Variants in RBFOX1 observed in about 807,000 individuals in gnomAD.
RBFOX1 encodes the protein RNA binding protein fox-1 homolog 1.
In RBFOX1, 8 loss-of-function variants were observed where a neutral mutation model predicts 57.7. That is an observed-to-expected ratio of 0.14 (90% confidence interval 0.08 to 0.25). The LOEUF is 0.25. Ranked by LOEUF, RBFOX1 falls within the 10% of genes least tolerant of loss-of-function variation. The pLI is 1.00. For synonymous variants in RBFOX1, 326 were observed against 222.4 expected (o/e 1.47, Z -4.15); for missense variants, 611 against 548.5 (o/e 1.11, Z -1.14).
At chr16:7,255,703 C>A (rs557897540) in intron 4 of RBFOX1, among the ~76,000 whole-genome samples, 1 of 152,192 alleles carries the variant, frequency 6.6e-6, no homozygotes, top group African/African-American at 2.4e-5. Context: ...AAAATAAATG[C>A]ATGAAATGTT....
intron 2 of RBFOX1, among the ~76,000 whole-genome samples, chr16:6,606,578 C>G (rs1171796892): frequency 1.3e-5 from 2 of 152,132 alleles, no homozygotes; most frequent in Non-Finnish European, 2.9e-5. Context: ...CATGTGTTCT[C>G]ATTGTTCAGC....
intron 1 of RBFOX1, among the ~76,000 whole-genome samples, chr16:5,436,503 G>A (rs12596398): frequency 0.45 from 69,100 of 151,970 alleles, 16,653 homozygotes; most frequent in East Asian, 0.63. Context: ...CTCAGAACTC[G>A]TCTTTTTTAC....
intron 3 of RBFOX1, among the ~76,000 whole-genome samples, chr16:6,917,970 A>G (rs1030630112): frequency 3.3e-5 from 5 of 152,076 alleles, no homozygotes; most frequent in Admixed American, 6.6e-5. Context: ...CCTACAGGAG[A>G]GCCACTTACG....
rs548619961 is a variant in RBFOX1 at position 7,276,648 on chromosome 16, G to A, written c.27+224550G>A. 2.2e-3 allele frequency among the ~76,000 whole-genome samples: 330 copies of A among 150,234 alleles called. 1 individual carries two copies. The highest frequency in any genetic ancestry group is 7.6e-3 in the African/African-American group (313 of 41,368). ...AATTTCCTCACTCCTCCAAATTCCT[G>A]GGCAGGTTACCTCTCCCAACCTCAG... On this transcript the variant is annotated intron_variant, in intron 4 of 15. Transcript: ENST00000550418.
At chr16:5,402,774 C>G (rs2066750076) in intron 1 of RBFOX1, among the ~76,000 whole-genome samples, 1 of 152,158 alleles carries the variant, frequency 6.6e-6, no homozygotes, top group Non-Finnish European at 1.5e-5. Flanking sequence ...CATGAGAAAT[C>G]TGTAGGTTGG....
At chr16:5,745,006 C>A (rs974339750) in intron 3 of RBFOX1, among the ~76,000 whole-genome samples, 7 of 152,142 alleles carry the variant, frequency 4.6e-5, no homozygotes, top group Admixed American at 4.6e-4. Flanking sequence ...AGGTTTGTTA[C>A]ATATGTATAC....
intron 5 of RBFOX1, among the ~76,000 whole-genome samples, chr16:7,576,328 C>G (rs1381012609): frequency 6.6e-6 from 1 of 152,128 alleles, no homozygotes; most frequent in Non-Finnish European, 1.5e-5. Context: ...TGTGTGATTC[C>G]AAAACCCTGG....
At chr16:5,726,055 C>A (rs1010210898) in intron 3 of RBFOX1, among the ~76,000 whole-genome samples, 1 of 152,026 alleles carries the variant, frequency 6.6e-6, no homozygotes, top group African/African-American at 2.4e-5. Flanking sequence ...CTCTCTACTT[C>A]CTTTTTCTTT....
intron 2 of RBFOX1, among the ~76,000 whole-genome samples, chr16:6,434,145 G>T (rs2153011431): frequency 1.3e-5 from 2 of 152,132 alleles, no homozygotes; most frequent in South Asian, 4.2e-4. Flanking sequence ...ACCGTGCCTG[G>T]TCACTTCTAA....
chr16:6,505,400 G>A (rs371921054), intron 2 of RBFOX1, among the ~76,000 whole-genome samples: 155 of 152,288 alleles, frequency 1.0e-3, no homozygotes, highest in African/African-American at 3.5e-3. Flanking sequence ...TTTTCAACAG[G>A]AGAATATTTG....
intron 3 of RBFOX1, among the ~76,000 whole-genome samples, chr16:6,847,917 A>G (rs1676387723): frequency 6.6e-6 from 1 of 151,960 alleles, no homozygotes. Context: ...GGCTCACTGC[A>G]ACCTCTGTAT....
chr16:5,966,574 C>T (rs1419196644), intron 4 of RBFOX1, among the ~76,000 whole-genome samples: 1 of 152,212 alleles, frequency 6.6e-6, no homozygotes, highest in Non-Finnish European at 1.5e-5. Flanking sequence ...TCTGCCTCAG[C>T]CTCCCAAGTA....
intron 4 of RBFOX1, among the ~76,000 whole-genome samples, chr16:7,505,951 T>G (rs1336474311): frequency 6.6e-6 from 1 of 152,020 alleles, no homozygotes; most frequent in East Asian, 1.9e-4. Context: ...TTTGGGAGGC[T>G]GAGGTGAGTG....
chr16:7,312,792 T>C (rs2096346376), intron 4 of RBFOX1, among the ~76,000 whole-genome samples: 1 of 152,226 alleles, frequency 6.6e-6, no homozygotes, highest in Non-Finnish European at 1.5e-5. Flanking sequence ...AACGTCATTA[T>C]TCTGTGATGC....
chr16:6,772,011 C>T (rs1172902822), intron 3 of RBFOX1, among the ~76,000 whole-genome samples: 1 of 152,148 alleles, frequency 6.6e-6, no homozygotes, highest in Non-Finnish European at 1.5e-5. Context: ...CTCTTTCTGC[C>T]ATTCCAGTAA....
chr16:6,365,632 C>G (rs1024766570), intron 2 of RBFOX1, among the ~76,000 whole-genome samples: 1 of 152,144 alleles, frequency 6.6e-6, no homozygotes, highest in Non-Finnish European at 1.5e-5. Context: ...AAGGATGAGA[C>G]CACTTCACCA....
At chr16:6,904,078 C>T (rs986382363) in intron 3 of RBFOX1, among the ~76,000 whole-genome samples, 1 of 152,182 alleles carries the variant, frequency 6.6e-6, no homozygotes, top group African/African-American at 2.4e-5. Flanking sequence ...TGTGCGGGTA[C>T]AGCAAGTCGG....
At chr16:6,693,415 C>G (rs964191732) in intron 3 of RBFOX1, among the ~76,000 whole-genome samples, 13 of 151,694 alleles carry the variant, frequency 8.6e-5, no homozygotes, top group African/African-American at 2.7e-4. Flanking sequence ...ACTACCATCA[C>G]CACTATCATT....
At chr16:5,564,844 T>G (rs2046009729) in intron 2 of RBFOX1, among the ~76,000 whole-genome samples, 1 of 152,190 alleles carries the variant, frequency 6.6e-6, no homozygotes. Flanking sequence ...GCCATCATCG[T>G]GGCTGGGCAT....
Sources: gnomAD v4.1 joint callset for allele counts (sites outside exome capture counted in the v4.1 genomes callset) on GRCh38, gnomAD v4.1.1 for gene constraint, MANE v1.5 for transcripts, NCBI Gene and HGNC (gene_info 2026-07-23, HGNC 2026-07-21) for gene names.